RAET1L: variants seen among roughly 807,000 people sequenced by gnomAD.
RAET1L encodes retinoic acid early transcript 1L.
A neutral mutation model predicts 23.9 loss-of-function variants in RAET1L; 16 were observed. That is an observed-to-expected ratio of 0.67 (90% CI 0.45 to 1.02). The LOEUF is 1.02. RAET1L is among the 50% of genes least tolerant of loss of function. The pLI is 0.00. For synonymous variants in RAET1L, 70 were observed against 111.2 expected (o/e 0.63, Z 2.33); for missense variants, 233 against 304.0 (o/e 0.77, Z 1.74).
chr6:150,020,912 A>G lies in RAET1L; in HGVS notation c.624T>C (p.Ser208=). 1 of 1,614,100 alleles carries G rather than the reference A, an allele frequency of 6.2e-7. No individual in the cohort carries two copies. Among genetic ancestry groups the G allele is most frequent in the South Asian group, 1.1e-5 (1 of 91,068 alleles). Residue 208 remains serine (S), a synonymous_variant, in exon 3 of 5, where the codon AGT becomes AGC. Coordinates refer to ENST00000367341, the MANE Select transcript of RAET1L (RefSeq NM_130900.3). ...TTCTTTTTCTCCTGTTACCTCCTGC[A>G]CTTGGCTCCAGGGTGCTGTCCATGC... ...LMGMDSTLEP[S]AGAPLAMSSG...
Position 150,021,523 on chromosome 6 carries a change from T to G in RAET1L, c.350-337A>C, listed in dbSNP as rs1317239313. Among the ~76,000 whole-genome samples the G allele has an allele frequency of 2.1e-5, 3 of 146,014 alleles. No individual in the cohort carries two copies. The East Asian group carries it at 5.9e-4, about 29-fold the overall frequency. Reference sequence around the variant, plus strand: ...ACTGTGTTAACCAGGATGGTCTCGATCTCTTGACCTTGTGATCCGCCTACC... The same window carrying G: ...ACTGTGTTAACCAGGATGGTCTCGAGCTCTTGACCTTGTGATCCGCCTACC... On this transcript the variant is annotated intron_variant, in intron 2 of 4. Transcript: ENST00000367341.
At position 150,021,558 on chromosome 6, in the gene RAET1L, C is replaced by A. The variant is rs188452665; in HGVS notation, c.350-372G>T. Among the ~76,000 whole-genome samples, 12 of 146,686 alleles carry A rather than the reference C, an allele frequency of 8.2e-5. No individual in the cohort carries two copies. The East Asian group carries it at 2.4e-3, about 29-fold the overall frequency. On this transcript the variant is annotated intron_variant, in intron 2 of 4. Coordinates refer to ENST00000367341, the MANE Select transcript of RAET1L (RefSeq NM_130900.3). Reference sequence around the variant, plus strand: ...TTGTGATCCGCCTACCTCAGCCTCCCAAAATGCTGGGATTACAGGCTTGAG... The same window carrying A: ...TTGTGATCCGCCTACCTCAGCCTCCAAAAATGCTGGGATTACAGGCTTGAG...
rs186627573 is a variant in RAET1L at position 150,023,813 on chromosome 6, A to T, written c.86-1570T>A. ...CATTAAGCAGTGGCTCCTGTAGAGT[A>T]CTGCACCTTGGCAGAGATGGGGCCT... On this transcript the variant is annotated intron_variant, in intron 1 of 4. Transcript: ENST00000367341. Among the ~76,000 whole-genome samples the T allele has an allele frequency of 2.3e-3, 344 of 152,326 alleles. 1 individual carries two copies. Among genetic ancestry groups the T allele is most frequent in the African/African-American group, 7.4e-3 (308 of 41,568 alleles).
intron 2 of RAET1L, 86 bp downstream of exon 2, chr6:150,021,894 C>T: frequency 1.3e-6 from 2 of 1,554,502 alleles, no homozygotes; most frequent in Non-Finnish European, 1.8e-6. Context: ...GCCCAGGACC[C>T]TTTTGTATTT....
Position 150,020,968 on chromosome 6 carries a change from A to G in RAET1L, c.568T>C (p.Cys190Arg), listed in dbSNP as rs776216539. The G allele has an allele frequency of 1.2e-6, 2 of 1,614,192 alleles. No homozygotes were observed. The highest frequency in any genetic ancestry group is 1.7e-6 in the Non-Finnish European group (2 of 1,180,042). ...MSFHYISMGDCIGWLEDFLMG... is the reference protein window; with the variant it reads ...MSFHYISMGDRIGWLEDFLMG... The stretch of plus-strand genomic sequence containing the variant: ...AAGAAGTCCTCAAGCCATCCTATGC[A>G]GTCTCCCATTGAGATGTAATGGAAG... Residue 190 changes from cysteine (C) to arginine (R), a missense_variant, in exon 3 of 5, where the codon TGC becomes CGC. By Grantham distance (180) the Cys-to-Arg change is radical. Transcript: ENST00000367341.
At chr6:150,025,099 G>T (rs1390510791) in intron 1 of RAET1L, among the ~76,000 whole-genome samples, 6 of 152,130 alleles carry the variant, frequency 3.9e-5, no homozygotes, top group Non-Finnish European at 5.9e-5. Context: ...TGGGACTGCC[G>T]GGCTGCACTA....
chr6:150,021,526 C>G (rs995819937), intron 2 of RAET1L, among the ~76,000 whole-genome samples: 7 of 145,380 alleles, frequency 4.8e-5, no homozygotes, highest in Admixed American at 1.4e-4. Flanking sequence ...GTCTCGATCT[C>G]TTGACCTTGT....
At chr6:150,020,712 G>A (rs1423910359) in intron 3 of RAET1L, among the ~76,000 whole-genome samples, 193 bp downstream of exon 3, 1 of 152,136 alleles carries the variant, frequency 6.6e-6, no homozygotes, top group East Asian at 1.9e-4. Flanking sequence ...AGGAATAGGA[G>A]TCAGGAGGGA....
In RAET1L at chr6:150,022,624, G is replaced by T. The variant is rs1406137357; in HGVS notation, c.86-381C>A. Among the ~76,000 whole-genome samples, 3 of 103,974 alleles carry T rather than the reference G, an allele frequency of 2.9e-5. 1 individual carries two copies. The highest frequency in any genetic ancestry group is 6.8e-5 in the Non-Finnish European group (3 of 43,940). 68.2% of individuals were successfully genotyped at this position (103,974 alleles called of 152,430 possible). A position where few individuals can be genotyped will look rare whatever the true frequency, so the allele number is the denominator to read the frequency against. Reference sequence around the variant, plus strand: ...CGTGGACTGCGGGAGGTGGGAGAGGGTGTGGGTCCACCCCTGTGGATGCTG... The same window carrying T: ...CGTGGACTGCGGGAGGTGGGAGAGGTTGTGGGTCCACCCCTGTGGATGCTG... On this transcript the variant is annotated intron_variant, in intron 1 of 4. Transcript: ENST00000367341.
intron 4 of RAET1L, among the ~76,000 whole-genome samples, chr6:150,019,538 C>T (rs563444060): frequency 1.3e-5 from 2 of 150,878 alleles, no homozygotes; most frequent in African/African-American, 4.9e-5. Flanking sequence ...AAATCCTTCT[C>T]TTGAGCAGCC....
chr6:150,023,302 A>G (rs1176951491), intron 1 of RAET1L, among the ~76,000 whole-genome samples: 1 of 152,054 alleles, frequency 6.6e-6, no homozygotes, highest in African/African-American at 2.4e-5. Context: ...ATTACAAGAA[A>G]CAGAGATAAA....
At chr6:150,024,504 C>A (rs1387752659) in intron 1 of RAET1L, among the ~76,000 whole-genome samples, 1 of 147,892 alleles carries the variant, frequency 6.8e-6, no homozygotes, top group African/African-American at 2.5e-5. Context: ...GGTTTGCTGA[C>A]CCCTGTCTAC....
At chr6:150,019,344 A>G (rs1357530689) in intron 4 of RAET1L, among the ~76,000 whole-genome samples, 2 of 151,972 alleles carry the variant, frequency 1.3e-5, no homozygotes, top group African/African-American at 4.8e-5. Context: ...TCCATTCCTT[A>G]TCCAGCCCAG....
chr6:150,024,051 G>A (rs1294249574), intron 1 of RAET1L, among the ~76,000 whole-genome samples: 2 of 152,136 alleles, frequency 1.3e-5, no homozygotes, highest in Admixed American at 6.5e-5. Flanking sequence ...AGTTGCACAA[G>A]CAGTTGGACC....
chr6:150,025,345 G>T, intron 1 of RAET1L, 42 bp downstream of exon 1: 1 of 1,561,706 alleles, frequency 6.4e-7, no homozygotes, highest in Non-Finnish European at 8.8e-7. Context: ...CAGTCCCTCA[G>T]GTTTGGCCCC....
At chr6:150,025,270 C>G in intron 1 of RAET1L, 117 bp downstream of exon 1, 2 of 798,674 alleles carry the variant, frequency 2.5e-6, no homozygotes, top group Non-Finnish European at 4.0e-6. Flanking sequence ...GCTGGGGGCG[C>G]AGTTCGGGGA....
intron 2 of RAET1L, among the ~76,000 whole-genome samples, chr6:150,021,396 T>G (rs1391868398): frequency 7.2e-6 from 1 of 139,322 alleles, no homozygotes; most frequent in Non-Finnish European, 1.6e-5. Flanking sequence ...TGGAGTGCAG[T>G]GGCGCGATCT....
At chr6:150,021,208 C>G in intron 2 of RAET1L, 22 bp from the exon 3 acceptor site, 2 of 1,593,992 alleles carry the variant, frequency 1.3e-6, no homozygotes, top group Non-Finnish European at 1.7e-6. Flanking sequence ...AGAGAGAGAT[C>G]AGCTCTGATC....
In RAET1L at chr6:150,022,115, T is replaced by A; in HGVS notation, c.214A>T (p.Thr72Ser). The change falls in exon 2 of 5, where the codon ACA becomes TCA. Residue 72 changes from threonine (T) to serine (S), a missense_variant. This residue lies in a region of RAET1L where 44 missense variants were observed against 107.4 expected (regional missense o/e 0.41). Transcript: ENST00000367341. ...TTCTTCCCCAGGGGACTGACGGGTGTGACTGTCTTGTTGCCACAGTCATAG... is the reference window on the plus strand; with the variant it reads ...TTCTTCCCCAGGGGACTGACGGGTGAGACTGTCTTGTTGCCACAGTCATAG... Reference protein sequence around the residue: ...LHYDCGNKTVTPVSPLGKKLN... With the variant: ...LHYDCGNKTVSPVSPLGKKLN... 1 of 1,601,630 alleles carries A rather than the reference T, an allele frequency of 6.2e-7. No individual in the cohort carries two copies. The highest frequency in any genetic ancestry group is 2.2e-5 in the East Asian group (1 of 44,696).
Sources: allele counts gnomAD v4.1 joint callset (sites outside exome capture counted in the v4.1 genomes callset), GRCh38; gene constraint gnomAD v4.1.1; regional missense constraint gnomAD v4.1.1; transcripts MANE v1.5; gene names NCBI Gene and HGNC (gene_info 2026-07-23, HGNC 2026-07-21).